ROBO2: variants seen among roughly 807,000 people sequenced by gnomAD.
ROBO2 encodes roundabout homolog 2.
ROBO2 carries 53 observed loss-of-function variants against 160.8 expected under a neutral mutation model. The observed-to-expected ratio is 0.33, with a 90% CI of 0.26 to 0.41. ROBO2 has a LOEUF of 0.41. Ranked by LOEUF, ROBO2 falls within the 10% of genes least tolerant of loss-of-function variation. The pLI is 1.00. For missense variants in ROBO2, 1,577 were observed against 1,722.4 expected, an observed-to-expected ratio of 0.92 and a Z score of 1.49; for synonymous variants, 664 against 611.7, an observed-to-expected ratio of 1.09 and a Z score of -1.26.
intron 2 of ROBO2, among the ~76,000 whole-genome samples, chr3:76,943,062 C>T (rs41537548): frequency 0.2 from 30,251 of 152,042 alleles, 3,156 homozygotes; most frequent in South Asian, 0.31. Context: ...GTTCACCTAA[C>T]GTCATGTGAG....
chr3:76,823,047 C>G (rs904707529), intron 2 of ROBO2, among the ~76,000 whole-genome samples: 1 of 152,064 alleles, frequency 6.6e-6, no homozygotes, highest in South Asian at 2.1e-4. Flanking sequence ...CTGTGCCTGT[C>G]TTACCATTCC....
intron 2 of ROBO2, among the ~76,000 whole-genome samples, chr3:76,084,983 A>C (rs564321335): frequency 1.3e-5 from 2 of 151,982 alleles, no homozygotes; most frequent in Non-Finnish European, 2.9e-5. Context: ...TAGGCTTTTT[A>C]AAAAAAATTT....
intron 2 of ROBO2, among the ~76,000 whole-genome samples, chr3:77,380,693 C>CTCCTTCCCTCCCTTCCT (rs2073333446): frequency 1.3e-5 from 2 of 150,340 alleles, no homozygotes; most frequent in Admixed American, 1.3e-4. Flanking sequence ...CCCTCCCTCC[C>CTCCTTCCCTCCCTTCCT]TCCTTCCCTC....
At chr3:76,272,816 G>A (rs897667355) in intron 2 of ROBO2, among the ~76,000 whole-genome samples, 148 of 3,170 alleles carry the variant, frequency 0.047, 16 homozygotes, top group Middle Eastern at 0.5. Context: ...TATATAATAT[G>A]TATTTATATA....
At chr3:76,103,979 C>G (rs2069813095) in intron 2 of ROBO2, among the ~76,000 whole-genome samples, 1 of 152,106 alleles carries the variant, frequency 6.6e-6, no homozygotes, top group South Asian at 2.1e-4. Flanking sequence ...TCATTTTTCC[C>G]CTTCCCTTGG....
intron 2 of ROBO2, among the ~76,000 whole-genome samples, chr3:77,261,911 G>A (rs2058802290): frequency 6.6e-6 from 1 of 152,018 alleles, no homozygotes; most frequent in African/African-American, 2.4e-5. Context: ...GGGATTACAG[G>A]CATGAGCCAC....
intron 2 of ROBO2, among the ~76,000 whole-genome samples, chr3:77,288,015 A>G (rs1168317132): frequency 6.6e-6 from 1 of 152,186 alleles, no homozygotes. Flanking sequence ...TAGATATTTC[A>G]GTGTACAGTA....
intron 6 of ROBO2, among the ~76,000 whole-genome samples, chr3:77,523,333 T>G (rs976602372): frequency 6.6e-6 from 1 of 151,352 alleles, no homozygotes; most frequent in Non-Finnish European, 1.5e-5. Flanking sequence ...ATGTCAGCAT[T>G]CAAAACAGCA....
chr3:77,261,768 ATTTTTTTT>A (rs10710219), intron 2 of ROBO2, among the ~76,000 whole-genome samples: 2 of 135,624 alleles, frequency 1.5e-5, no homozygotes, highest in East Asian at 2.3e-4. Flanking sequence ...TTCTGATTTC[ATTTTTTTT>A]TTTTTTTTTG....
At chr3:76,736,038 C>G (rs2093705467) in intron 2 of ROBO2, among the ~76,000 whole-genome samples, 1 of 151,842 alleles carries the variant, frequency 6.6e-6, no homozygotes, top group African/African-American at 2.4e-5. Context: ...AATCCCAGCA[C>G]TTTGGGAGGC....
At chr3:76,599,059 A>G (rs922565586) in intron 2 of ROBO2, among the ~76,000 whole-genome samples, 44 of 152,198 alleles carry the variant, frequency 2.9e-4, no homozygotes, top group Non-Finnish European at 5.1e-4. Context: ...TATATACATT[A>G]AAACAAAAAT....
At chr3:77,125,459 A>G (rs937416262) in intron 2 of ROBO2, among the ~76,000 whole-genome samples, 3 of 152,190 alleles carry the variant, frequency 2.0e-5, no homozygotes, top group African/African-American at 7.2e-5. Flanking sequence ...TTCTAAGATT[A>G]ACTCTGCTGA....
intron 2 of ROBO2, among the ~76,000 whole-genome samples, chr3:76,281,585 T>C (rs1708234820): frequency 6.6e-6 from 1 of 151,854 alleles, no homozygotes. Context: ...CGTGTTAAGT[T>C]CTAACTTATC....
intron 2 of ROBO2, among the ~76,000 whole-genome samples, chr3:77,226,304 T>C (rs1258418313): frequency 6.6e-6 from 1 of 152,040 alleles, no homozygotes; most frequent in Non-Finnish European, 1.5e-5. Context: ...TCCTTTTTTT[T>C]TTCAGTTTCA....
At chr3:76,603,925 G>A (rs747894567) in intron 2 of ROBO2, among the ~76,000 whole-genome samples, 4 of 152,072 alleles carry the variant, frequency 2.6e-5, no homozygotes, top group Non-Finnish European at 4.4e-5. Context: ...AAATTGCACC[G>A]AAAGTCTTAG....
At chr3:76,686,857 G>GCTACAGTA (rs2092697277) in intron 2 of ROBO2, among the ~76,000 whole-genome samples, 2 of 152,038 alleles carry the variant, frequency 1.3e-5, no homozygotes, top group South Asian at 4.1e-4. Context: ...CTACAGCTAT[G>GCTACAGTA]TCATTGCATT....
At chr3:76,555,438 G>A (rs1172169357) in intron 2 of ROBO2, among the ~76,000 whole-genome samples, 32 of 115,510 alleles carry the variant, frequency 2.8e-4, no homozygotes, top group African/African-American at 6.0e-4. Context: ...AAGGGGAAGG[G>A]GAAGAGGAAG....
chr3:76,587,744 A>C (rs2086144982), intron 2 of ROBO2, among the ~76,000 whole-genome samples: 1 of 152,158 alleles, frequency 6.6e-6, no homozygotes, highest in Non-Finnish European at 1.5e-5. Flanking sequence ...AAAAACCTGA[A>C]TGAGTTCTTT....
intron 2 of ROBO2, among the ~76,000 whole-genome samples, chr3:76,488,539 C>T (rs2079624386): frequency 6.6e-6 from 1 of 152,172 alleles, no homozygotes; most frequent in Non-Finnish European, 1.5e-5. Flanking sequence ...ATCGCTGCTA[C>T]TTTGAATCTC....
Sources: allele counts gnomAD v4.1 joint callset (sites outside exome capture counted in the v4.1 genomes callset), GRCh38; gene constraint gnomAD v4.1.1; transcripts MANE v1.5; gene names NCBI Gene and HGNC (gene_info 2026-07-23, HGNC 2026-07-21).